Variants in RAB40A observed in about 807,000 individuals in gnomAD.
RAB40A encodes ras-related protein Rab-40A.
For missense variants in RAB40A, 145 were observed against 230.2 expected (o/e 0.63, Z 2.40); for synonymous variants, 65 against 99.9 (o/e 0.65, Z 2.08).
chrX:103,496,718 ATGT>A (rs961971420), downstream of RAB40A, among the ~76,000 whole-genome samples: 2 of 112,554 alleles, frequency 1.8e-5, no homozygotes, highest in Admixed American at 9.4e-5. Context: ...TGTTGGGGAA[ATGT>A]TGTACTTCAA....
At chrX:103,505,012 T>C (rs760749505) in intron 2 of RAB40A, among the ~76,000 whole-genome samples, 1 of 112,415 alleles carries the variant, frequency 8.9e-6, no homozygotes, top group South Asian at 3.7e-4. Context: ...GAGCTTCCTT[T>C]ATGCCCTTAC....
At chrX:103,496,437 G>A (rs1471532572), downstream of RAB40A, among the ~76,000 whole-genome samples, 2 of 111,969 alleles carry the variant, frequency 1.8e-5, no homozygotes, top group Non-Finnish European at 3.8e-5. Flanking sequence ...GACTGCAAGA[G>A]TTCCCTCTAT....
At chrX:103,515,325 T>C (rs992094648) in intron 2 of RAB40A, among the ~76,000 whole-genome samples, 1 of 112,535 alleles carries the variant, frequency 8.9e-6, no homozygotes, top group Non-Finnish European at 1.9e-5. Context: ...GAAGTGATTA[T>C]TTGATCCCAA....
At position 103,500,564 on chromosome X, in the gene RAB40A, G is replaced by A; in HGVS notation, c.193C>T (p.Leu65=). The A allele has an allele frequency of 8.3e-7, 1 of 1,211,670 alleles. No homozygotes were observed. ...TILLDGQRVK[L]KLWDTSGQGR... ...TGCCCCGACGTATCCCAGAGCTTCA[G>A]CTTCACCCGCTGGCCGTCCAGCAGG... The change falls in exon 3 of 3, where the codon CTG becomes TTG. Residue 65 remains leucine (L), a synonymous_variant. Transcript: ENST00000304236.
chrX:103,499,386 T>G lies in RAB40A; in HGVS notation c.*537A>C, dbSNP rs1260854037. ...ATAACATAGCAAAAACTTTATCAAA[T>G]CCATTTCATGCACAAGCTGGACAGA... On this transcript the variant is annotated 3_prime_UTR_variant, in exon 3 of 3. Coordinates refer to ENST00000304236, the MANE Select transcript of RAB40A (RefSeq NM_080879.3). The G allele has an allele frequency of 8.1e-6, 1 of 124,190 alleles. No homozygotes were observed. Among genetic ancestry groups the G allele is most frequent in the Non-Finnish European group, 1.8e-5 (1 of 55,419 alleles). 10.2% of individuals were successfully genotyped at this position (124,190 alleles called of 1,213,427 possible).
chrX:103,518,829 G>A (rs2073328558), intron 1 of RAB40A, among the ~76,000 whole-genome samples: 1 of 111,695 alleles, frequency 9.0e-6, no homozygotes, highest in East Asian at 2.8e-4. Context: ...CTATCCCTCA[G>A]TGTAACCTAA....
chrX:103,502,291 A>G (rs1289889674), intron 2 of RAB40A: 1 of 123,560 alleles, frequency 8.1e-6, no homozygotes, highest in African/African-American at 3.2e-5. Context: ...AGCTGACAAT[A>G]AGGAGATAAT....
At chrX:103,509,702 GT>G (rs776555778) in intron 2 of RAB40A, among the ~76,000 whole-genome samples, 2 of 104,235 alleles carry the variant, frequency 1.9e-5, no homozygotes, top group South Asian at 9.1e-4. Flanking sequence ...CCCCAGAATT[GT>G]GATGAAGATG....
Position 103,499,884 on chromosome X carries a change from C to G in RAB40A, c.*39G>C. 1 of 1,198,134 alleles carries G rather than the reference C, an allele frequency of 8.3e-7. No homozygotes were observed. The highest frequency in any genetic ancestry group is 1.1e-6 in the Non-Finnish European group (1 of 882,911). On this transcript the variant is annotated 3_prime_UTR_variant, in exon 3 of 3. Transcript: ENST00000304236. ...TCTTCCAGGTGTAACCAGAGTTTTT[C>G]CTGGAGCGATTCCAGCTTGTTTCCT...
chrX:103,517,023 G>A (rs2073320337), intron 2 of RAB40A, among the ~76,000 whole-genome samples: 1 of 111,312 alleles, frequency 9.0e-6, no homozygotes, highest in Non-Finnish European at 1.9e-5. Context: ...GACGTTATAT[G>A]CCAGGGTCTA....
chrX:103,516,702 T>C (rs1001838784), intron 2 of RAB40A, among the ~76,000 whole-genome samples: 1 of 111,437 alleles, frequency 9.0e-6, no homozygotes, highest in African/African-American at 3.3e-5. Context: ...TAATTAAAAT[T>C]AACATGGTAC....
chrX:103,514,222 A>T (rs1248925091), intron 2 of RAB40A, among the ~76,000 whole-genome samples: 3 of 112,081 alleles, frequency 2.7e-5, no homozygotes, highest in Non-Finnish European at 5.6e-5. Flanking sequence ...CACGCAACAA[A>T]ATAACACCAT....
chrX:103,517,757 T>G (rs1168717300), intron 1 of RAB40A, among the ~76,000 whole-genome samples: 1 of 111,555 alleles, frequency 9.0e-6, no homozygotes, highest in Non-Finnish European at 1.9e-5. Context: ...GCAGAACAAA[T>G]TGTAACAGCA....
chrX:103,503,175 T>C, intron 2 of RAB40A: 2 of 753,339 alleles, frequency 2.7e-6, no homozygotes, highest in Non-Finnish European at 3.1e-6. Context: ...AAAAATTGAT[T>C]GATAGATGTA....
At chrX:103,511,489 C>G (rs1171514159) in intron 2 of RAB40A, among the ~76,000 whole-genome samples, 1 of 102,454 alleles carries the variant, frequency 9.8e-6, no homozygotes, top group Non-Finnish European at 1.9e-5. Context: ...GGTGACAGAG[C>G]GAGACTCCGT....
intron 2 of RAB40A, chrX:103,501,817 T>C (rs2073229573): frequency 1.7e-5 from 2 of 120,704 alleles, no homozygotes; most frequent in Admixed American, 1.9e-4. Flanking sequence ...CGAAAAAGAA[T>C]TTTTTTTTAA....
chrX:103,509,828 C>T (rs1052859215), intron 2 of RAB40A, among the ~76,000 whole-genome samples: 1 of 102,181 alleles, frequency 9.8e-6, no homozygotes, highest in Non-Finnish European at 2.0e-5. Flanking sequence ...TTTTTTAAGA[C>T]GGAGTCTTGC....
intron 2 of RAB40A, among the ~76,000 whole-genome samples, chrX:103,513,895 AACAC>A (rs59511853): frequency 1.9e-5 from 2 of 106,819 alleles, no homozygotes; most frequent in Admixed American, 2.0e-4. Flanking sequence ...GTCTCAAGAA[AACAC>A]ACACACACAC....
At chrX:103,514,210 A>C in intron 2 of RAB40A, among the ~76,000 whole-genome samples, 1 of 111,782 alleles carries the variant, frequency 8.9e-6, no homozygotes, top group East Asian at 2.8e-4. Context: ...CTACAGATAA[A>C]ACACGCAACA....
Sources: allele counts gnomAD v4.1 joint callset (sites outside exome capture counted in the v4.1 genomes callset), GRCh38; gene constraint gnomAD v4.1.1; transcripts MANE v1.5; gene names NCBI Gene and HGNC (gene_info 2026-07-23, HGNC 2026-07-21).